PAK1: variants seen among roughly 807,000 people sequenced by gnomAD.
The protein encoded by PAK1 is serine/threonine-protein kinase PAK 1.
A neutral mutation model predicts 67.4 loss-of-function variants in PAK1; 29 were observed. That is an observed-to-expected ratio of 0.43 (90% confidence interval 0.32 to 0.59). PAK1 has a LOEUF of 0.59. PAK1 is among the 20% of genes least tolerant of loss of function. The probability of loss-of-function intolerance (pLI) is 0.07; values close to 1 mark genes in which losing one functional copy is unlikely to be tolerated. For missense variants in PAK1, 337 were observed against 670.7 expected (o/e 0.50, Z 5.50); for synonymous variants, 223 against 237.4 (o/e 0.94, Z 0.56).
At chr11:77,401,734 T>A (rs549327772) in intron 1 of PAK1, among the ~76,000 whole-genome samples, 8 of 152,294 alleles carry the variant, frequency 5.3e-5, no homozygotes, top group African/African-American at 1.7e-4. Context: ...ACTTCCCCTA[T>A]GAAACCTTCA....
At chr11:77,501,308 A>G in the PAK1 span, among the ~76,000 whole-genome samples, 1 of 152,198 alleles carries the variant, frequency 6.6e-6, no homozygotes, top group Non-Finnish European at 1.5e-5. Flanking sequence ...AAGGACCACT[A>G]TCTGCCAGAG....
chr11:77,529,598 C>T, the PAK1 span, among the ~76,000 whole-genome samples: 1 of 152,146 alleles, frequency 6.6e-6, no homozygotes. Context: ...GTTCTGTTCT[C>T]CAGGGGTTCA....
At chr11:77,390,284 C>A (rs1193563029) in intron 2 of PAK1, among the ~76,000 whole-genome samples, 15 of 152,194 alleles carry the variant, frequency 9.9e-5, no homozygotes, top group Non-Finnish European at 1.6e-4. Flanking sequence ...ACTGCAACCT[C>A]CGCCTCCCGG....
chr11:77,471,513 C>T (rs573096574), intron 1 of PAK1, among the ~76,000 whole-genome samples: 40 of 152,202 alleles, frequency 2.6e-4, no homozygotes, highest in Non-Finnish European at 4.0e-4. Context: ...GGGACTGCAT[C>T]CCAGAGGCCC....
intron 11 of PAK1, among the ~76,000 whole-genome samples, chr11:77,339,619 T>A (rs545043027): frequency 6.6e-6 from 1 of 152,112 alleles, no homozygotes; most frequent in Non-Finnish European, 1.5e-5. Flanking sequence ...TAGGGCAGTA[T>A]TGATTTCACA....
At chr11:77,482,249 A>C in the PAK1 span, among the ~76,000 whole-genome samples, 3 of 151,232 alleles carry the variant, frequency 2.0e-5, no homozygotes, top group African/African-American at 7.3e-5. Flanking sequence ...TCAGCTTCCC[A>C]AAGTGCTGGG....
intron 5 of PAK1, among the ~76,000 whole-genome samples, chr11:77,366,935 CA>C (rs1358529773): frequency 1.7e-4 from 26 of 152,274 alleles, no homozygotes; most frequent in African/African-American, 6.3e-4. Flanking sequence ...AAAGTAGGAA[CA>C]ACCCAAGTAC....
At chr11:77,469,316 A>G (rs1053961756) in intron 1 of PAK1, among the ~76,000 whole-genome samples, 1 of 152,166 alleles carries the variant, frequency 6.6e-6, no homozygotes, top group Non-Finnish European at 1.5e-5. Context: ...ATCATCTCAT[A>G]AGGTTATTCT....
At chr11:77,409,480 G>T (rs1954170679) in intron 1 of PAK1, among the ~76,000 whole-genome samples, 2 of 151,954 alleles carry the variant, frequency 1.3e-5, no homozygotes, top group Non-Finnish European at 2.9e-5. Flanking sequence ...ATCAATATAT[G>T]AAAGATATCA....
At chr11:77,434,672 G>A (rs1956030246) in intron 1 of PAK1, among the ~76,000 whole-genome samples, 1 of 151,916 alleles carries the variant, frequency 6.6e-6, no homozygotes, top group South Asian at 2.1e-4. Flanking sequence ...AGGCTGGAGT[G>A]CAGTAGCATG....
At chr11:77,333,833 T>C (rs542916288) in intron 13 of PAK1, among the ~76,000 whole-genome samples, 14 of 152,200 alleles carry the variant, frequency 9.2e-5, no homozygotes, top group Admixed American at 9.2e-4. Context: ...ACTTATCATC[T>C]TCACTTCACA....
At chr11:77,517,892 T>G in the PAK1 span, among the ~76,000 whole-genome samples, 1 of 152,022 alleles carries the variant, frequency 6.6e-6, no homozygotes, top group African/African-American at 2.4e-5. Context: ...GGGTTCACGC[T>G]CCTAAAAGAA....
intron 9 of PAK1, among the ~76,000 whole-genome samples, chr11:77,348,246 G>T (rs1265021295): frequency 6.6e-6 from 1 of 152,142 alleles, no homozygotes; most frequent in Non-Finnish European, 1.5e-5. Context: ...CTCAATTATT[G>T]TGTACTGGTA....
At chr11:77,398,618 T>A (rs1952166793) in intron 1 of PAK1, among the ~76,000 whole-genome samples, 1 of 152,242 alleles carries the variant, frequency 6.6e-6, no homozygotes, top group East Asian at 1.9e-4. Context: ...AAATCTCAGC[T>A]ATCTTGAACA....
At chr11:77,479,694 G>A in the PAK1 span, among the ~76,000 whole-genome samples, 7 of 132,058 alleles carry the variant, frequency 5.3e-5, no homozygotes, top group African/African-American at 1.2e-4. Flanking sequence ...TGCAAACTCC[G>A]TCTCCTGGGC....
At chr11:77,479,895 A>G in the PAK1 span, among the ~76,000 whole-genome samples, 45 of 152,250 alleles carry the variant, frequency 3.0e-4, no homozygotes, top group African/African-American at 8.2e-4. Flanking sequence ...GGCATCAACC[A>G]CAGTGCTGGG....
chr11:77,410,652 G>A (rs1486028340), intron 1 of PAK1, among the ~76,000 whole-genome samples: 1 of 151,682 alleles, frequency 6.6e-6, no homozygotes, highest in Non-Finnish European at 1.5e-5. Flanking sequence ...GGGGAAGCAT[G>A]AGGGGAGGAG....
intron 1 of PAK1, among the ~76,000 whole-genome samples, chr11:77,395,137 A>C (rs1254560850): frequency 1.3e-5 from 2 of 152,218 alleles, no homozygotes; most frequent in African/African-American, 4.8e-5. Flanking sequence ...TTCAAGGCTT[A>C]ATTCAATTGT....
intron 5 of PAK1, among the ~76,000 whole-genome samples, chr11:77,372,017 T>G (rs376982331): frequency 5.3e-5 from 8 of 152,244 alleles, no homozygotes; most frequent in African/African-American, 1.9e-4. Flanking sequence ...GTGGTTCTAA[T>G]TATAAGTCTT....
Sources: gnomAD v4.1 joint callset for allele counts (sites outside exome capture counted in the v4.1 genomes callset) on GRCh38, gnomAD v4.1.1 for gene constraint, MANE v1.5 for transcripts, NCBI Gene and HGNC (gene_info 2026-07-23, HGNC 2026-07-21) for gene names.